Variants in ATP2B2 observed in about 807,000 individuals in gnomAD.
The protein encoded by ATP2B2 is plasma membrane calcium-transporting ATPase 2.
Under a neutral mutation model 120.0 loss-of-function variants are expected in ATP2B2, and 15 were observed. The ratio of observed to expected loss-of-function variants is 0.12; its 90% CI spans 0.08 to 0.19. The LOEUF is 0.19. Ranked by LOEUF, ATP2B2 falls within the 10% of genes least tolerant of loss-of-function variation. The pLI, the probability that ATP2B2 is intolerant of heterozygous loss-of-function variation, is 1.00. For synonymous variants in ATP2B2, 694 were observed against 700.3 expected (o/e 0.99, Z 0.14); for missense variants, 1,045 against 1,719.8 (o/e 0.61, Z 6.94).
At chr3:10,567,133 G>T (rs1039043923) in intron 2 of ATP2B2, among the ~76,000 whole-genome samples, 1 of 152,236 alleles carries the variant, frequency 6.6e-6, no homozygotes, top group South Asian at 2.1e-4. Context: ...TGTCTCTCCT[G>T]GTGTCAATCT....
At position 10,521,146 on chromosome 3, in the gene ATP2B2, G is replaced by A. The variant is rs187921307; in HGVS notation, c.-320+12893C>T. ...AGACTTCCGGGGCACACATCCCAAG[G>A]AGTAGATTGTCCCTCTGTGGCACCC... is the stretch of plus-strand genomic sequence containing the variant. On this transcript the variant is annotated intron_variant, in intron 3 of 21. Transcript: ENST00000646379. Among the ~76,000 whole-genome samples the A allele has an allele frequency of 3.3e-3, 501 of 152,348 alleles. 1 individual carries two copies. The highest frequency in any genetic ancestry group is 6.8e-3 in the Middle Eastern group (2 of 294).
intron 2 of ATP2B2, among the ~76,000 whole-genome samples, chr3:10,413,332 G>A (rs1326498304): frequency 2.6e-5 from 4 of 152,248 alleles, no homozygotes; most frequent in Non-Finnish European, 5.9e-5. Context: ...CAGGCTGGCT[G>A]AGACACTCCC....
intron 1 of ATP2B2, among the ~76,000 whole-genome samples, chr3:10,469,738 G>A (rs2064902793): frequency 6.6e-6 from 1 of 152,222 alleles, no homozygotes; most frequent in African/African-American, 2.4e-5. Flanking sequence ...CCCTGAGAAA[G>A]TGGGTTCCAA....
At chr3:10,671,062 G>A (rs1282652993) in intron 1 of ATP2B2, among the ~76,000 whole-genome samples, 1 of 152,184 alleles carries the variant, frequency 6.6e-6, no homozygotes, top group African/African-American at 2.4e-5. Context: ...AGCTCCAAAT[G>A]TGGTCATGTC....
intron 1 of ATP2B2, among the ~76,000 whole-genome samples, chr3:10,685,736 T>G (rs1176838477): frequency 6.6e-6 from 1 of 152,212 alleles, no homozygotes; most frequent in Non-Finnish European, 1.5e-5. Context: ...GGAACACACA[T>G]GATCCCATAC....
At chr3:10,404,219 C>T (rs1575133267) in intron 3 of ATP2B2, among the ~76,000 whole-genome samples, 1 of 152,228 alleles carries the variant, frequency 6.6e-6, no homozygotes, top group South Asian at 2.1e-4. Context: ...ACTGAACCAG[C>T]CGTTCCCTTC....
intron 3 of ATP2B2, among the ~76,000 whole-genome samples, chr3:10,525,008 G>C (rs2067062650): frequency 6.6e-6 from 1 of 152,240 alleles, no homozygotes; most frequent in Non-Finnish European, 1.5e-5. Context: ...ACTGGCAGGA[G>C]TGGAACGGTG....
At chr3:10,622,867 C>G (rs2069589179) in intron 1 of ATP2B2, among the ~76,000 whole-genome samples, 1 of 152,170 alleles carries the variant, frequency 6.6e-6, no homozygotes, top group African/African-American at 2.4e-5. Flanking sequence ...AAACCATTGC[C>G]TGGGCTTGAA....
intron 2 of ATP2B2, among the ~76,000 whole-genome samples, chr3:10,610,066 TATACACAC>T (rs2069187066): frequency 9.6e-6 from 1 of 104,298 alleles, no homozygotes. Flanking sequence ...CACATATACA[TATACACAC>T]ATACACACAC....
At chr3:10,407,430 T>C (rs1006364203) in intron 3 of ATP2B2, among the ~76,000 whole-genome samples, 6 of 152,230 alleles carry the variant, frequency 3.9e-5, no homozygotes, top group African/African-American at 1.2e-4. Flanking sequence ...CCCTCTGGCC[T>C]GCGCTCCCTC....
At chr3:10,705,447 G>A (rs1171889757) in intron 1 of ATP2B2, among the ~76,000 whole-genome samples, 3 of 152,202 alleles carry the variant, frequency 2.0e-5, no homozygotes, top group African/African-American at 4.8e-5. Flanking sequence ...CAGGTTACAG[G>A]TTTCCTGCTC....
chr3:10,393,369 G>A (rs1419381451), intron 5 of ATP2B2, among the ~76,000 whole-genome samples: 3 of 152,142 alleles, frequency 2.0e-5, no homozygotes, highest in African/African-American at 7.2e-5. Flanking sequence ...TTGGGTGGAG[G>A]GGGAGGAAGG....
chr3:10,683,545 C>A (rs2071432846), intron 1 of ATP2B2, among the ~76,000 whole-genome samples: 2 of 151,664 alleles, frequency 1.3e-5, no homozygotes, highest in African/African-American at 4.8e-5. Flanking sequence ...AGAGAGGCAC[C>A]AGATCAGTTA....
chr3:10,625,789 G>A (rs1441838472), intron 1 of ATP2B2, among the ~76,000 whole-genome samples: 1 of 152,148 alleles, frequency 6.6e-6, no homozygotes, highest in Non-Finnish European at 1.5e-5. Flanking sequence ...CCTCTCCAAG[G>A]AGAAAGTCTG....
chr3:10,649,657 T>G (rs1229587668), intron 1 of ATP2B2, among the ~76,000 whole-genome samples: 3 of 152,212 alleles, frequency 2.0e-5, no homozygotes, highest in African/African-American at 7.2e-5. Context: ...AATGGATGGA[T>G]GGATGGTGAT....
intron 1 of ATP2B2, among the ~76,000 whole-genome samples, chr3:10,461,192 C>T (rs1375385266): frequency 6.6e-6 from 1 of 152,220 alleles, no homozygotes; most frequent in African/African-American, 2.4e-5. Flanking sequence ...GTGGAAGTGT[C>T]TTTTAGCTTC....
intron 1 of ATP2B2, among the ~76,000 whole-genome samples, chr3:10,501,227 C>G (rs572436376): frequency 4.3e-4 from 66 of 152,290 alleles, no homozygotes; most frequent in Non-Finnish European, 6.9e-4. Context: ...AATGACACTT[C>G]TAAGGCTTTT....
chr3:10,573,228 C>A (rs1263389463), intron 2 of ATP2B2, among the ~76,000 whole-genome samples: 1 of 151,658 alleles, frequency 6.6e-6, no homozygotes, highest in East Asian at 1.9e-4. Context: ...ATTAAAAGGC[C>A]AATTTGATTA....
At chr3:10,494,290 G>A (rs1314573759) in intron 1 of ATP2B2, among the ~76,000 whole-genome samples, 1 of 152,166 alleles carries the variant, frequency 6.6e-6, no homozygotes, top group Non-Finnish European at 1.5e-5. Context: ...CTTGCATCAG[G>A]CATGGTTCTA....
Sources: allele counts gnomAD v4.1 joint callset (sites outside exome capture counted in the v4.1 genomes callset), GRCh38; gene constraint gnomAD v4.1.1; transcripts MANE v1.5; gene names NCBI Gene and HGNC (gene_info 2026-07-23, HGNC 2026-07-21).